The following ELF2 variants were observed in gnomAD, a reference collection of about 807,000 sequenced individuals.
The protein encoded by ELF2 is ETS-related transcription factor Elf-2.
Under a neutral mutation model 54.8 loss-of-function variants are expected in ELF2, and 11 were observed. That is an observed-to-expected ratio of 0.20 (90% confidence interval 0.13 to 0.33). The LOEUF (loss-of-function observed/expected upper bound fraction) is 0.33. ELF2 is among the 10% of genes least tolerant of loss of function. The probability of loss-of-function intolerance (pLI) is 1.00; values close to 1 mark genes in which losing one functional copy is unlikely to be tolerated. For missense variants in ELF2, 513 were observed against 703.0 expected (o/e 0.73, Z 3.06); for synonymous variants, 203 against 245.1 (o/e 0.83, Z 1.61).
intron 4 of ELF2, among the ~76,000 whole-genome samples, chr4:139,121,333 C>T (rs1484528507): frequency 6.6e-6 from 1 of 151,562 alleles, no homozygotes; most frequent in Non-Finnish European, 1.5e-5. Context: ...TGGTCTCGAT[C>T]TCCTGACCTC....
At chr4:139,154,337 C>T (rs1740317653) in intron 1 of ELF2, among the ~76,000 whole-genome samples, 3 of 152,066 alleles carry the variant, frequency 2.0e-5, no homozygotes, top group Admixed American at 6.6e-5. Flanking sequence ...GAGAAGTAGA[C>T]GTATCTAGTT....
intron 4 of ELF2, among the ~76,000 whole-genome samples, chr4:139,092,737 CTTGCAGTGAGCCCAGA>C (rs1045470545): frequency 1.1e-4 from 16 of 151,570 alleles, no homozygotes; most frequent in African/African-American, 3.9e-4. Context: ...GGAGGCGGAG[CTTGCAGTGAGCCCAGA>C]TCACGCCACT....
At chr4:139,151,035 A>AAAAAAAAAG (rs201472609) in intron 1 of ELF2, among the ~76,000 whole-genome samples, 1 of 42,526 alleles carries the variant, frequency 2.4e-5, no homozygotes, top group Non-Finnish European at 5.6e-5. Context: ...AAAAAAAAAA[A>AAAAAAAAAG]GAAAGAAAGA....
In ELF2 at chr4:139,059,591, T is replaced by C. The variant is rs765445954; in HGVS notation, c.1174A>G (p.Met392Val). The C allele has an allele frequency of 2.5e-6, 4 of 1,611,542 alleles. No individual in the cohort carries two copies. The highest frequency in any genetic ancestry group is 3.4e-6 in the Non-Finnish European group (4 of 1,179,790). ...TAAPRTVRVA[M>V]QVPVVMTSLG... Reference sequence around the variant, plus strand: ...GATGTCATTACAACAGGTACCTGCATTGCCACACGAACTGTCCTAGTACAT... The same window carrying C: ...GATGTCATTACAACAGGTACCTGCACTGCCACACGAACTGTCCTAGTACAT... The change falls in exon 10 of 10, where the codon ATG becomes GTG. Residue 392 changes from methionine to valine, a missense_variant. Physicochemically the swap from Met to Val is conservative, Grantham distance 21. Coordinates refer to ENST00000686138, the MANE Select transcript of ELF2 (RefSeq NM_001331036.3).
intron 1 of ELF2, among the ~76,000 whole-genome samples, chr4:139,145,546 G>T (rs1739143986): frequency 6.6e-6 from 1 of 152,150 alleles, no homozygotes; most frequent in African/African-American, 2.4e-5. Flanking sequence ...TATGAAGTCA[G>T]TATCACCCTG....
At position 139,131,798 on chromosome 4, in the gene ELF2, C is replaced by CAA. The variant is rs70940495; in HGVS notation, c.72+5830_72+5831dup. 6.8e-3 allele frequency among the ~76,000 whole-genome samples: 922 copies of CAA among 135,526 alleles called. 10 individuals carry two copies. Among genetic ancestry groups the CAA allele is most frequent in the African/African-American group, 0.024 (886 of 36,626 alleles). The allele number at this position is 135,526 out of a possible 152,430, so 88.9% of individuals were successfully genotyped here. A position where few individuals can be genotyped will look rare whatever the true frequency, so the allele number is the denominator to read the frequency against. ...CCCCTAAGCTAGATGTTCATAATGC[C>CAA]AAAAAAAAAAAAAAGAGATAGAAAA... On this transcript the variant is annotated intron_variant, in intron 3 of 9. Coordinates refer to ENST00000686138, the MANE Select transcript of ELF2 (RefSeq NM_001331036.3).
chr4:139,065,921 A>C (rs1728630830), intron 7 of ELF2: 1 of 152,046 alleles, frequency 6.6e-6, no homozygotes, highest in Non-Finnish European at 1.5e-5. Flanking sequence ...AGAAGTGTAC[A>C]ACAACCAAAG....
At chr4:139,157,237 T>C (rs1460615084) in intron 1 of ELF2, among the ~76,000 whole-genome samples, 8 of 152,176 alleles carry the variant, frequency 5.3e-5, no homozygotes, top group Admixed American at 3.3e-4. Flanking sequence ...TAAACATATT[T>C]GAATATAGAA....
chr4:139,070,297 G>T (rs887684526), intron 6 of ELF2, among the ~76,000 whole-genome samples: 15 of 144,646 alleles, frequency 1.0e-4, no homozygotes, highest in African/African-American at 3.5e-4. Context: ...TAAATGTGGT[G>T]TTTTTTTTTT....
chr4:139,058,721 T>C lies in ELF2; in HGVS notation c.*262A>G. ...TAACTTGATATCGTAGTGAGCTGCT[T>C]GGTCCCTTTCGATCCTTTTTCTTAT... On this transcript the variant is annotated 3_prime_UTR_variant, in exon 10 of 10. Coordinates refer to ENST00000686138, the MANE Select transcript of ELF2 (RefSeq NM_001331036.3). 1 of 398,996 alleles carries C rather than the reference T, an allele frequency of 2.5e-6. No homozygotes were observed. The highest frequency in any genetic ancestry group is 4.7e-5 in the East Asian group (1 of 21,136). 24.7% of individuals were successfully genotyped at this position (398,996 alleles called of 1,614,324 possible).
chr4:139,102,825 A>G (rs1430189143), intron 4 of ELF2, among the ~76,000 whole-genome samples: 2 of 152,172 alleles, frequency 1.3e-5, no homozygotes, highest in South Asian at 2.1e-4. Context: ...TGGGCGACAG[A>G]GCAAGACTCC....
chr4:139,162,923 T>TC (rs553259508), intron 1 of ELF2, among the ~76,000 whole-genome samples: 158 of 152,098 alleles, frequency 1.0e-3, no homozygotes, highest in African/African-American at 2.7e-3. Context: ...ACGGCAAGAC[T>TC]CTGTCTCTAC....
intron 1 of ELF2, among the ~76,000 whole-genome samples, 156 bp from the exon 2 acceptor site, chr4:139,139,653 T>C (rs1404165742): frequency 6.6e-6 from 1 of 152,202 alleles, no homozygotes; most frequent in East Asian, 1.9e-4. Flanking sequence ...ATAAATTATT[T>C]CTAGGTTTTT....
At chr4:139,173,850 G>C (rs12332057) in intron 1 of ELF2, among the ~76,000 whole-genome samples, 45,562 of 151,450 alleles carry the variant, frequency 0.3, 7,067 homozygotes, top group African/African-American at 0.36. Flanking sequence ...CACTTTGAGA[G>C]GCCAAAGAGA....
intron 4 of ELF2, among the ~76,000 whole-genome samples, chr4:139,080,347 T>C (rs567786016): frequency 6.6e-6 from 1 of 152,224 alleles, no homozygotes; most frequent in Admixed American, 6.5e-5. Context: ...AATGTATCTA[T>C]TCACATACTG....
chr4:139,164,147 G>A (rs1578972892), intron 1 of ELF2, among the ~76,000 whole-genome samples: 1 of 142,138 alleles, frequency 7.0e-6, no homozygotes, highest in East Asian at 2.1e-4. Context: ...AGAAGAGAGA[G>A]AAAGAAAGAA....
rs1253258320 is a variant in ELF2 at position 139,105,656 on chromosome 4, G to A, written c.238+19508C>T. 2.0e-5 allele frequency among the ~76,000 whole-genome samples: 3 copies of A among 152,122 alleles called. No individual in the cohort carries two copies. The South Asian group carries it at 6.2e-4, about 32-fold the overall frequency. ...TCTCAGCACTTTGGGAGGCCAATGT[G>A]GGAGGATCACTTGAGGCCAGGAGTT... On this transcript the variant is annotated intron_variant, in intron 4 of 9. Coordinates refer to ENST00000686138, the MANE Select transcript of ELF2 (RefSeq NM_001331036.3).
At chr4:139,177,305 A>T (rs1340463154), upstream of ELF2, 3 of 83,200 alleles carry the variant, frequency 3.6e-5, no homozygotes, top group Admixed American at 4.8e-4. Context: ...CGCCTCCACC[A>T]GGACACTGGA....
At position 139,058,117 on chromosome 4, in the gene ELF2, G is replaced by C. The variant is rs950931171; in HGVS notation, c.*866C>G. On this transcript the variant is annotated 3_prime_UTR_variant, in exon 10 of 10. Transcript: ENST00000686138. The stretch of plus-strand genomic sequence containing the variant: ...CAGCAGAACTGAAAATGGTATGTCT[G>C]CACAAATGCCAAGGCTAAGTGAGTG... 2 of 152,426 alleles carry C rather than the reference G, an allele frequency of 1.3e-5. No homozygotes were observed. Among genetic ancestry groups the C allele is most frequent in the African/African-American group, 4.8e-5 (2 of 41,402 alleles). 9.4% of individuals were successfully genotyped at this position (152,426 alleles called of 1,614,324 possible). A position where few individuals can be genotyped will look rare whatever the true frequency, so the allele number is the denominator to read the frequency against.
Sources: gnomAD v4.1 joint callset for allele counts (sites outside exome capture counted in the v4.1 genomes callset) on GRCh38, gnomAD v4.1.1 for gene constraint, MANE v1.5 for transcripts, NCBI Gene and HGNC (gene_info 2026-07-23, HGNC 2026-07-21) for gene names.